Variants in AFG2A observed in about 807,000 individuals in gnomAD.
AFG2A encodes the protein ATPase family gene 2 protein homolog A.
chr4:123,169,425 G>A, the AFG2A span, among the ~76,000 whole-genome samples: 8 of 152,148 alleles, frequency 5.3e-5, no homozygotes, highest in African/African-American at 1.9e-4. Context: ...TTAGTCCGAC[G>A]TATTACAGTC....
chr4:123,150,357 A>T, the AFG2A span, among the ~76,000 whole-genome samples: 1 of 152,352 alleles, frequency 6.6e-6, no homozygotes, highest in East Asian at 1.9e-4. Context: ...AGATGACATG[A>T]TTGTATATTT....
At chr4:123,118,379 C>T in the AFG2A span, among the ~76,000 whole-genome samples, 509 of 125,004 alleles carry the variant, frequency 4.1e-3, 2 homozygotes, top group Non-Finnish European at 6.8e-3. Context: ...GTTTTCAATA[C>T]CCATTTCTCC....
chr4:123,085,530 G>A, the AFG2A span, among the ~76,000 whole-genome samples: 1 of 151,918 alleles, frequency 6.6e-6, no homozygotes, highest in Non-Finnish European at 1.5e-5. Flanking sequence ...AGCTTTCTTT[G>A]GCTTAGTGTT....
chr4:123,228,688 T>C, the AFG2A span, among the ~76,000 whole-genome samples: 1 of 151,864 alleles, frequency 6.6e-6, no homozygotes. Context: ...ATTTTAGAGG[T>C]GAAGAAAATG....
At chr4:123,245,932 T>C in the AFG2A span, among the ~76,000 whole-genome samples, 2 of 152,372 alleles carry the variant, frequency 1.3e-5, no homozygotes, top group Admixed American at 6.5e-5. Context: ...GGGACTGAAC[T>C]GCTCTGTGAA....
the AFG2A span, among the ~76,000 whole-genome samples, chr4:123,086,659 A>G: frequency 7.9e-5 from 12 of 151,872 alleles, no homozygotes; most frequent in South Asian, 2.1e-4. Context: ...TATTTGCTTC[A>G]TAGTTCTTAG....
chr4:122,959,237 A>T, the AFG2A span, among the ~76,000 whole-genome samples: 1 of 152,220 alleles, frequency 6.6e-6, no homozygotes, highest in Non-Finnish European at 1.5e-5. Context: ...ACCGTCTCTA[A>T]TAGTGTTGTT....
At chr4:123,173,365 T>G in the AFG2A span, among the ~76,000 whole-genome samples, 35 of 134,118 alleles carry the variant, frequency 2.6e-4, no homozygotes, top group African/African-American at 8.6e-4. Flanking sequence ...TTTTTTTTTT[T>G]TTTTTTTTGA....
chr4:123,255,283 G>T, the AFG2A span, among the ~76,000 whole-genome samples: 1 of 152,020 alleles, frequency 6.6e-6, no homozygotes, highest in African/African-American at 2.4e-5. Flanking sequence ...CACTCTGGGA[G>T]ACCAAGGCAG....
At chr4:123,253,303 C>T in the AFG2A span, among the ~76,000 whole-genome samples, 4 of 152,042 alleles carry the variant, frequency 2.6e-5, no homozygotes, top group Non-Finnish European at 5.9e-5. Context: ...GCCAGTATGG[C>T]AAAACCCCAT....
chr4:123,255,715 C>CTTTTTTTTTTTTTTT, the AFG2A span, among the ~76,000 whole-genome samples: 2 of 103,910 alleles, frequency 1.9e-5, 1 homozygote, highest in Non-Finnish European at 3.8e-5. Flanking sequence ...TACTGCTTTT[C>CTTTTTTTTTTTTTTT]TATTTTTTTT....
chr4:123,027,248 G>A, the AFG2A span, among the ~76,000 whole-genome samples: 1 of 152,134 alleles, frequency 6.6e-6, no homozygotes, highest in African/African-American at 2.4e-5. Context: ...TTCCAAGAAT[G>A]TACAAAGAAT....
chr4:123,057,478 C>G, the AFG2A span, among the ~76,000 whole-genome samples: 1 of 152,096 alleles, frequency 6.6e-6, no homozygotes, highest in African/African-American at 2.4e-5. Flanking sequence ...CTGTATAGTA[C>G]TTTTATCTAT....
the AFG2A span, among the ~76,000 whole-genome samples, chr4:123,133,469 G>A: frequency 2.8e-5 from 4 of 143,246 alleles, no homozygotes. Flanking sequence ...GTCTGTTATA[G>A]TTCCTATCAT....
chr4:123,173,380 G>C, the AFG2A span, among the ~76,000 whole-genome samples: 28 of 89,678 alleles, frequency 3.1e-4, no homozygotes, highest in African/African-American at 1.3e-3. Flanking sequence ...TTTTGAGTCG[G>C]ATTCTCACCC....
chr4:123,279,149 C>T, the AFG2A span, among the ~76,000 whole-genome samples: 110,655 of 152,068 alleles, frequency 0.73, 41,335 homozygotes, highest in Non-Finnish European at 0.81. Flanking sequence ...GGCGCGGTGG[C>T]TCATGCCTGT....
At chr4:122,970,434 T>TA in the AFG2A span, among the ~76,000 whole-genome samples, 2 of 151,950 alleles carry the variant, frequency 1.3e-5, no homozygotes, top group African/African-American at 4.8e-5. Context: ...TCCCTGTCAT[T>TA]AAGCAATGCA....
the AFG2A span, among the ~76,000 whole-genome samples, chr4:123,167,984 A>T: frequency 6.6e-6 from 1 of 152,212 alleles, no homozygotes; most frequent in African/African-American, 2.4e-5. Flanking sequence ...AAAAGTAAAA[A>T]TAACACACCT....
At chr4:123,134,283 A>G in the AFG2A span, among the ~76,000 whole-genome samples, 1 of 152,136 alleles carries the variant, frequency 6.6e-6, no homozygotes, top group Non-Finnish European at 1.5e-5. Flanking sequence ...ATTCATGTAT[A>G]AGGGGTGAGA....
Sources: allele counts gnomAD v4.1 joint callset (sites outside exome capture counted in the v4.1 genomes callset), GRCh38; gene constraint gnomAD v4.1.1; transcripts MANE v1.5; gene names NCBI Gene and HGNC (gene_info 2026-07-23, HGNC 2026-07-21).